The following ACTR3C variants were observed in gnomAD, a reference collection of about 807,000 sequenced individuals.
The protein encoded by ACTR3C is actin related protein 3C, also known as actin-related protein 3C.
ACTR3C carries 18 observed loss-of-function variants against 26.3 expected under a neutral mutation model. The observed-to-expected ratio is 0.68, with a 90% CI of 0.47 to 1.01. ACTR3C has a LOEUF of 1.01. Ranked by LOEUF, ACTR3C falls within the 50% of genes least tolerant of loss-of-function variation. The probability of loss-of-function intolerance (pLI) is 0.00; values close to 1 mark genes in which losing one functional copy is unlikely to be tolerated. For missense variants in ACTR3C, 184 were observed against 250.7 expected (o/e 0.73, Z 1.80); for synonymous variants, 55 against 94.5 (o/e 0.58, Z 2.42).
At chr7:150,043,340 C>T in the ACTR3C span, among the ~76,000 whole-genome samples, 1 of 150,978 alleles carries the variant, frequency 6.6e-6, no homozygotes, top group African/African-American at 2.4e-5. Context: ...GTCTCCCCAC[C>T]CTGTGATGGG....
At chr7:150,006,763 CA>C in the ACTR3C span, among the ~76,000 whole-genome samples, 1 of 151,842 alleles carries the variant, frequency 6.6e-6, no homozygotes, top group African/African-American at 2.4e-5. Flanking sequence ...TTTGTATTCC[CA>C]AAAAAATATA....
intron 1 of ACTR3C, among the ~76,000 whole-genome samples, chr7:150,320,921 C>G (rs939925562): frequency 2.0e-5 from 3 of 152,192 alleles, no homozygotes; most frequent in African/African-American, 7.2e-5. Flanking sequence ...GTTAGGACAC[C>G]TCTGACAATA....
chr7:150,246,345 G>C (rs1832462785), downstream of ACTR3C: 1 of 152,186 alleles, frequency 6.6e-6, no homozygotes, highest in South Asian at 2.1e-4. Context: ...GAAAGCCAAA[G>C]GCAGAACCGT....
the ACTR3C span, among the ~76,000 whole-genome samples, chr7:150,179,993 A>G: frequency 2.0e-5 from 3 of 151,134 alleles, no homozygotes; most frequent in African/African-American, 7.4e-5. Flanking sequence ...ACTTTTTTCA[A>G]GACATATTTC....
chr7:150,051,811 A>C, the ACTR3C span, among the ~76,000 whole-genome samples: 3 of 151,748 alleles, frequency 2.0e-5, no homozygotes, highest in Non-Finnish European at 4.4e-5. Flanking sequence ...GTCATTTTTA[A>C]AATGACAATG....
At chr7:150,109,087 G>C in the ACTR3C span, among the ~76,000 whole-genome samples, 1 of 152,020 alleles carries the variant, frequency 6.6e-6, no homozygotes, top group African/African-American at 2.4e-5. Context: ...AGTCGGGTGC[G>C]ACCAGAGGCC....
At chr7:150,026,467 T>C in the ACTR3C span, among the ~76,000 whole-genome samples, 2 of 152,148 alleles carry the variant, frequency 1.3e-5, no homozygotes, top group African/African-American at 4.8e-5. Context: ...CAGCTATTAA[T>C]GCCATACTAT....
the ACTR3C span, among the ~76,000 whole-genome samples, chr7:149,966,414 T>A: frequency 6.6e-6 from 1 of 152,204 alleles, no homozygotes; most frequent in East Asian, 1.9e-4. Flanking sequence ...ACACTTTCCC[T>A]CATGGCATCC....
At chr7:150,051,348 T>TCTCTAATC in the ACTR3C span, among the ~76,000 whole-genome samples, 1 of 142,620 alleles carries the variant, frequency 7.0e-6, no homozygotes, top group African/African-American at 2.6e-5. Context: ...TCAATTCTTG[T>TCTCTAATC]CTCTAATCAC....
At chr7:150,163,355 T>G in the ACTR3C span, among the ~76,000 whole-genome samples, 1 of 133,434 alleles carries the variant, frequency 7.5e-6, no homozygotes, top group Non-Finnish European at 1.5e-5. Flanking sequence ...TATATCCTTG[T>G]GTGTGTGTGT....
chr7:149,994,511 C>T, the ACTR3C span, among the ~76,000 whole-genome samples: 1 of 152,080 alleles, frequency 6.6e-6, no homozygotes, highest in Non-Finnish European at 1.5e-5. Flanking sequence ...GCGGGAGAAT[C>T]GCTTGAACCC....
Position 150,287,583 on chromosome 7 carries a change from G to A in ACTR3C, c.298-1043C>T, listed in dbSNP as rs145804246. Among the ~76,000 whole-genome samples the A allele has an allele frequency of 2.8e-3, 433 of 152,310 alleles. 3 individuals carry two copies. The highest frequency in any genetic ancestry group is 9.8e-3 in the African/African-American group (407 of 41,548). On this transcript the variant is annotated intron_variant, in intron 4 of 7. Coordinates refer to ENST00000683684, the MANE Select transcript of ACTR3C (RefSeq NM_001164458.2). Reference sequence around the variant, plus strand: ...GCACGAGGTGGGCCGCCCAGCTGGCGCTGAGCACACTGTGGAAGGAATGGC... The same window carrying A: ...GCACGAGGTGGGCCGCCCAGCTGGCACTGAGCACACTGTGGAAGGAATGGC...
the ACTR3C span, among the ~76,000 whole-genome samples, chr7:150,174,927 A>C: frequency 6.9e-6 from 1 of 144,034 alleles, no homozygotes; most frequent in South Asian, 2.1e-4. Context: ...TCTCTCCCAA[A>C]TTGATCAGTA....
At chr7:150,320,824 T>C (rs947616039) in intron 1 of ACTR3C, among the ~76,000 whole-genome samples, 1 of 152,182 alleles carries the variant, frequency 6.6e-6, no homozygotes. Context: ...ACAATAAACA[T>C]CTTGTGATCA....
the ACTR3C span, among the ~76,000 whole-genome samples, chr7:150,120,639 G>C: frequency 6.6e-6 from 1 of 152,014 alleles, no homozygotes; most frequent in African/African-American, 2.4e-5. Context: ...CGGATTCACA[G>C]CCAAATTCTA....
the ACTR3C span, among the ~76,000 whole-genome samples, chr7:150,040,903 G>T: frequency 6.7e-6 from 1 of 149,426 alleles, no homozygotes; most frequent in African/African-American, 2.5e-5. Flanking sequence ...TTCAGGTTTT[G>T]CCCAAGAGTC....
the ACTR3C span, among the ~76,000 whole-genome samples, chr7:150,078,085 T>C: frequency 2.0e-5 from 3 of 152,190 alleles, no homozygotes; most frequent in Admixed American, 6.5e-5. Context: ...AAGGGGGACA[T>C]GCATCTTTCA....
intron 6 of ACTR3C, among the ~76,000 whole-genome samples, chr7:150,250,295 C>T (rs1229052489): frequency 2.0e-5 from 3 of 150,456 alleles, no homozygotes; most frequent in Non-Finnish European, 4.4e-5. Flanking sequence ...GCTCTGCCTC[C>T]CGGGTTCACG....
At chr7:150,069,049 C>A in the ACTR3C span, among the ~76,000 whole-genome samples, 5 of 152,032 alleles carry the variant, frequency 3.3e-5, no homozygotes, top group Admixed American at 3.3e-4. Flanking sequence ...TGCCTAGAGT[C>A]CCAAAGCTTA....
Sources: gnomAD v4.1 joint callset for allele counts (sites outside exome capture counted in the v4.1 genomes callset) on GRCh38, gnomAD v4.1.1 for gene constraint, MANE v1.5 for transcripts, NCBI Gene and HGNC (gene_info 2026-07-23, HGNC 2026-07-21) for gene names.